The following VSTM2B variants were observed in gnomAD, a reference collection of about 807,000 sequenced individuals.
The protein encoded by VSTM2B is V-set and transmembrane domain containing 2B.
In VSTM2B, 24 loss-of-function variants were observed where a neutral mutation model predicts 24.0. The ratio of observed to expected loss-of-function variants is 1.00; its 90% CI spans 0.72 to 1.40. VSTM2B has a LOEUF of 1.40. Ranked by LOEUF, VSTM2B falls within the 40% of genes most tolerant of loss-of-function variation. The pLI is 0.00. For missense variants in VSTM2B, 399 were observed against 416.4 expected, an observed-to-expected ratio of 0.96 and a Z score of 0.36; for synonymous variants, 226 against 194.4, an observed-to-expected ratio of 1.16 and a Z score of -1.35.
intron 4 of VSTM2B, among the ~76,000 whole-genome samples, chr19:29,538,415 C>T (rs1260710904): frequency 2.0e-5 from 3 of 152,150 alleles, no homozygotes; most frequent in Non-Finnish European, 2.9e-5. Flanking sequence ...GCGTTATTCA[C>T]GGGAATGGTG....
chr19:29,559,761 G>A (rs11878923), intron 4 of VSTM2B, among the ~76,000 whole-genome samples: 2,595 of 152,218 alleles, frequency 0.017, 77 homozygotes, highest in African/African-American at 0.059. Context: ...ACCCTTTTCT[G>A]TAACATCTAT....
At chr19:29,538,163 C>T (rs1183292304) in intron 4 of VSTM2B, among the ~76,000 whole-genome samples, 1 of 152,158 alleles carries the variant, frequency 6.6e-6, no homozygotes, top group Non-Finnish European at 1.5e-5. Flanking sequence ...CACTCCTGCC[C>T]TTCATACCCT....
At position 29,539,310 on chromosome 19, in the gene VSTM2B, G is replaced by A. The variant is rs192377110; in HGVS notation, c.769+9020G>A. Reference sequence around the variant, plus strand: ...TCATATAGGCTGCTGCCAGTGGCGCGGGCACTGTGATGTGAGGGGGTAGGG... The same window carrying A: ...TCATATAGGCTGCTGCCAGTGGCGCAGGCACTGTGATGTGAGGGGGTAGGG... On this transcript the variant is annotated intron_variant, in intron 4 of 4. Coordinates refer to ENST00000335523, the MANE Select transcript of VSTM2B (RefSeq NM_001146339.2). 1.9e-4 allele frequency among the ~76,000 whole-genome samples: 29 copies of A among 152,272 alleles called. No individual in the cohort carries two copies. The East Asian group carries it at 3.1e-3, about 16-fold the overall frequency.
At chr19:29,540,203 T>C (rs1167017407) in intron 4 of VSTM2B, among the ~76,000 whole-genome samples, 1 of 152,228 alleles carries the variant, frequency 6.6e-6, no homozygotes, top group Non-Finnish European at 1.5e-5. Flanking sequence ...TGGTCTGCTG[T>C]ATCTGGTCTG....
intron 4 of VSTM2B, among the ~76,000 whole-genome samples, chr19:29,534,029 G>A (rs1317458993): frequency 6.6e-6 from 1 of 152,242 alleles, no homozygotes; most frequent in African/African-American, 2.4e-5. Flanking sequence ...CAACCAGGGT[G>A]CTGGCAGAGG....
intron 4 of VSTM2B, among the ~76,000 whole-genome samples, chr19:29,539,163 A>G (rs1048084253): frequency 2.6e-5 from 4 of 151,964 alleles, no homozygotes; most frequent in Admixed American, 6.6e-5. Context: ...CAGCTTCATC[A>G]TGGTTTCGTG....
At chr19:29,555,239 C>G (rs1970379912) in intron 4 of VSTM2B, among the ~76,000 whole-genome samples, 3 of 152,174 alleles carry the variant, frequency 2.0e-5, no homozygotes, top group Admixed American at 2.0e-4. Context: ...AATTAGAACT[C>G]AAAATTAAGA....
chr19:29,531,912 A>T (rs929655199), intron 4 of VSTM2B, among the ~76,000 whole-genome samples: 1 of 152,240 alleles, frequency 6.6e-6, no homozygotes, highest in Non-Finnish European at 1.5e-5. Context: ...CCAGGCTGAG[A>T]GTACCAGCCT....
intron 4 of VSTM2B, 34 bp downstream of exon 4, chr19:29,530,324 G>C (rs1436152305): frequency 2.4e-5 from 36 of 1,471,590 alleles, no homozygotes; most frequent in Non-Finnish European, 3.0e-5. Context: ...GCACGCGCGG[G>C]GATGGCGCAG....
intron 4 of VSTM2B, among the ~76,000 whole-genome samples, chr19:29,556,725 T>C (rs1162365774): frequency 1.3e-5 from 2 of 152,114 alleles, no homozygotes; most frequent in African/African-American, 4.8e-5. Flanking sequence ...ATTCCTGTGA[T>C]AGACAAGCAA....
Position 29,556,522 on chromosome 19 carries a change from G to A in VSTM2B, c.770-7324G>A, listed in dbSNP as rs570398357. On this transcript the variant is annotated intron_variant, in intron 4 of 4. Transcript: ENST00000335523. ...CACTCCTATTCACCATAGTGTTGGA[G>A]GTTCTGGCCAGGACAATCAGGCAAG... Among the ~76,000 whole-genome samples the A allele has an allele frequency of 2.4e-4, 36 of 152,294 alleles. 1 individual carries two copies. In the South Asian group the frequency reaches 7.3e-3, roughly 31 times the overall value.
Position 29,535,864 on chromosome 19 carries a change from A to G in VSTM2B, c.769+5574A>G, listed in dbSNP as rs76098603. The stretch of plus-strand genomic sequence containing the variant: ...GTTTTCCCATCTCCCCGGACCCACG[A>G]GGACCCAAAGGCCCTCACCTTAAAT... On this transcript the variant is annotated intron_variant, in intron 4 of 4. Transcript: ENST00000335523. Among the ~76,000 whole-genome samples the G allele has an allele frequency of 8.8e-3, 1,344 of 152,260 alleles. 14 individuals are homozygous for G. The highest frequency in any genetic ancestry group is 0.029 in the African/African-American group (1,197 of 41,546).
intron 4 of VSTM2B, among the ~76,000 whole-genome samples, chr19:29,554,428 A>C (rs1334875651): frequency 6.6e-6 from 1 of 152,226 alleles, no homozygotes; most frequent in Non-Finnish European, 1.5e-5. Flanking sequence ...AGCACTAAAT[A>C]TGGAAAGGAA....
chr19:29,552,725 G>A (rs1013953635), intron 4 of VSTM2B, among the ~76,000 whole-genome samples: 2 of 152,220 alleles, frequency 1.3e-5, no homozygotes, highest in African/African-American at 2.4e-5. Flanking sequence ...GCTCCCAGGG[G>A]GAAGGGCAGC....
At chr19:29,551,213 A>G (rs1018143273) in intron 4 of VSTM2B, among the ~76,000 whole-genome samples, 1 of 152,222 alleles carries the variant, frequency 6.6e-6, no homozygotes, top group African/African-American at 2.4e-5. Context: ...GTCCCAGCCC[A>G]TATGGGTATT....
intron 4 of VSTM2B, among the ~76,000 whole-genome samples, chr19:29,539,420 G>A (rs561746179): frequency 6.6e-6 from 1 of 152,122 alleles, no homozygotes; most frequent in Non-Finnish European, 1.5e-5. Flanking sequence ...GAAGTGGGGA[G>A]AAGGTAGAAA....
At chr19:29,541,908 C>A (rs551276237) in intron 4 of VSTM2B, among the ~76,000 whole-genome samples, 1 of 134,304 alleles carries the variant, frequency 7.4e-6, no homozygotes, top group East Asian at 2.4e-4. Flanking sequence ...GACGAGTGGA[C>A]GGGTAGATGG....
chr19:29,538,459 G>A (rs980744607), intron 4 of VSTM2B, among the ~76,000 whole-genome samples: 3 of 152,206 alleles, frequency 2.0e-5, no homozygotes, highest in Non-Finnish European at 4.4e-5. Flanking sequence ...AAGCTGGACA[G>A]GGTGCTCCGA....
At chr19:29,531,589 T>C (rs1380112295) in intron 4 of VSTM2B, among the ~76,000 whole-genome samples, 1 of 152,196 alleles carries the variant, frequency 6.6e-6, no homozygotes, top group Non-Finnish European at 1.5e-5. Flanking sequence ...CTACCCACTG[T>C]AGCAGCCGCC....
Sources: gnomAD v4.1 joint callset for allele counts (sites outside exome capture counted in the v4.1 genomes callset) on GRCh38, gnomAD v4.1.1 for gene constraint, MANE v1.5 for transcripts, NCBI Gene and HGNC (gene_info 2026-07-23, HGNC 2026-07-21) for gene names.